GRXCR1: variants seen among roughly 807,000 people sequenced by gnomAD.
GRXCR1 encodes the protein glutaredoxin domain-containing cysteine-rich protein 1.
Under a neutral mutation model 27.3 loss-of-function variants are expected in GRXCR1, and 27 were observed. The ratio of observed to expected loss-of-function variants is 0.99; its 90% CI spans 0.73 to 1.37. GRXCR1 has a LOEUF of 1.37. GRXCR1 is among the 40% of genes most tolerant of loss of function. GRXCR1 has a pLI of 0.00. For synonymous variants in GRXCR1, 122 were observed against 131.1 expected (o/e 0.93, Z 0.47); for missense variants, 379 against 354.4 (o/e 1.07, Z -0.56).
chr4:43,016,441 T>G (rs931377884), intron 2 of GRXCR1, among the ~76,000 whole-genome samples: 1 of 152,200 alleles, frequency 6.6e-6, no homozygotes, highest in Middle Eastern at 3.2e-3. Context: ...CCTTCTCCTT[T>G]AACGAAAAAT....
At chr4:43,015,141 C>T (rs1315691881) in intron 2 of GRXCR1, among the ~76,000 whole-genome samples, 1 of 151,926 alleles carries the variant, frequency 6.6e-6, no homozygotes, top group Non-Finnish European at 1.5e-5. Context: ...CTAGGATGTC[C>T]AGGAGAAGGA....
chr4:43,023,367 G>A (rs1234009299), intron 3 of GRXCR1, among the ~76,000 whole-genome samples: 1 of 152,202 alleles, frequency 6.6e-6, no homozygotes, highest in African/African-American at 2.4e-5. Context: ...AGCAGCTGTG[G>A]TTGGGCCATC....
intron 1 of GRXCR1, among the ~76,000 whole-genome samples, chr4:42,926,494 G>GT (rs201952988): frequency 1.7e-4 from 26 of 150,520 alleles, no homozygotes; most frequent in South Asian, 8.4e-4. Context: ...TGGGAATACT[G>GT]TTTTTTTTTT....
At chr4:43,028,030 A>C (rs1189033893) in intron 3 of GRXCR1, among the ~76,000 whole-genome samples, 1 of 151,848 alleles carries the variant, frequency 6.6e-6, no homozygotes, top group East Asian at 1.9e-4. Flanking sequence ...AATCACTTGA[A>C]CCTGGGAGGA....
At position 42,973,960 on chromosome 4, in the gene GRXCR1, CACAA is replaced by C. The variant is rs1343077789; in HGVS notation, c.627+10832_627+10835del. Among the ~76,000 whole-genome samples the C allele has an allele frequency of 2.0e-5, 3 of 152,068 alleles. No individual in the cohort carries two copies. In the South Asian group the frequency reaches 6.2e-4, roughly 31 times the overall value. ...TTCTAGGGGTGTGCATACAACAAAG[CACAA>C]ACAAATTGGTGGCTATCTGCACAAC... On this transcript the variant is annotated intron_variant, in intron 2 of 3. Coordinates refer to ENST00000399770, the MANE Select transcript of GRXCR1 (RefSeq NM_001080476.3).
chr4:42,902,213 C>T (rs1746476573), intron 1 of GRXCR1, among the ~76,000 whole-genome samples: 1 of 152,088 alleles, frequency 6.6e-6, no homozygotes, highest in African/African-American at 2.4e-5. Context: ...GAAGATTAAG[C>T]ACCCCTAATG....
chr4:42,996,070 C>G (rs569762459), intron 2 of GRXCR1, among the ~76,000 whole-genome samples: 26 of 152,188 alleles, frequency 1.7e-4, no homozygotes, highest in Non-Finnish European at 2.9e-4. Flanking sequence ...TTTTTTCAGA[C>G]TAGTGTTACT....
chr4:42,949,354 C>CAAAAAAAAAAAAAAAAAAAAAAAAAAAA (rs10622265), intron 1 of GRXCR1, among the ~76,000 whole-genome samples: 1 of 81,122 alleles, frequency 1.2e-5, no homozygotes, highest in South Asian at 5.8e-4. Flanking sequence ...GACTCCATCT[C>CAAAAAAAAAAAAAAAAAAAAAAAAAAAA]AAAAAAAAAA....
At position 42,893,491 on chromosome 4, in the gene GRXCR1, T is replaced by A; in HGVS notation, c.225T>A (p.Asn75Lys). Residue 75 changes from asparagine to lysine, a missense_variant, in exon 1 of 4, where the codon AAT (asparagine) becomes AAA (lysine). Coordinates refer to ENST00000399770, the MANE Select transcript of GRXCR1 (RefSeq NM_001080476.3). ...HIESEGDENENDQDSLLVLAR... is the reference protein window; with the variant it reads ...HIESEGDENEKDQDSLLVLAR... ...AGTCAGAAGGTGATGAGAATGAGAA[T>A]GACCAGGATAGCTTGCTGGTGTTAG... 1 of 1,613,832 alleles carries A rather than the reference T, an allele frequency of 6.2e-7. No homozygotes were observed. The highest frequency in any genetic ancestry group is 1.1e-5 in the South Asian group (1 of 91,078).
chr4:42,914,300 G>A (rs935409987), intron 1 of GRXCR1, among the ~76,000 whole-genome samples: 2 of 152,230 alleles, frequency 1.3e-5, no homozygotes, highest in Non-Finnish European at 2.9e-5. Flanking sequence ...AGCCACAGGG[G>A]TGGAGCTGCC....
At chr4:43,030,236 G>A (rs1713378872) in intron 3 of GRXCR1, 125 bp from the exon 4 acceptor site, 1 of 810,642 alleles carries the variant, frequency 1.2e-6, no homozygotes, top group African/African-American at 1.7e-5. Context: ...GAATTCAAGT[G>A]TATAGCCATA....
chr4:42,962,474 T>C (rs1489328603), intron 1 of GRXCR1, among the ~76,000 whole-genome samples: 1 of 151,950 alleles, frequency 6.6e-6, no homozygotes, highest in Non-Finnish European at 1.5e-5. Flanking sequence ...AATTGATAAG[T>C]AGAAGAATTT....
chr4:43,003,770 T>A (rs956444263), intron 2 of GRXCR1, among the ~76,000 whole-genome samples: 1 of 152,170 alleles, frequency 6.6e-6, no homozygotes, highest in Non-Finnish European at 1.5e-5. Context: ...CAGCATACAA[T>A]CACATGCATT....
chr4:42,956,249 G>A (rs551321591), intron 1 of GRXCR1, among the ~76,000 whole-genome samples: 1 of 152,088 alleles, frequency 6.6e-6, no homozygotes, highest in Non-Finnish European at 1.5e-5. Flanking sequence ...CATCTAGGTC[G>A]GCTCTCTCAG....
At chr4:42,928,680 G>A (rs1286855653) in intron 1 of GRXCR1, among the ~76,000 whole-genome samples, 1 of 152,006 alleles carries the variant, frequency 6.6e-6, no homozygotes, top group Non-Finnish European at 1.5e-5. Flanking sequence ...GAAGATAGGA[G>A]CAAGGGGAGA....
At chr4:42,987,260 TAATATATATATATATATAGAGAG>T (rs1711794734) in intron 2 of GRXCR1, among the ~76,000 whole-genome samples, 7 of 73,276 alleles carry the variant, frequency 9.6e-5, no homozygotes, top group South Asian at 7.4e-4. Context: ...TATATATATA[TAATATATATATATATATAGAGAG>T]AGAGAGAGAG....
chr4:43,002,727 C>T (rs747870377), intron 2 of GRXCR1, among the ~76,000 whole-genome samples: 3 of 151,506 alleles, frequency 2.0e-5, no homozygotes, highest in Non-Finnish European at 2.9e-5. Flanking sequence ...TTTCCTTCTT[C>T]CTGTACCCTT....
At chr4:42,919,104 A>G (rs1377103141) in intron 1 of GRXCR1, among the ~76,000 whole-genome samples, 1 of 152,182 alleles carries the variant, frequency 6.6e-6, no homozygotes, top group African/African-American at 2.4e-5. Flanking sequence ...TAAAATCAAG[A>G]TATTTTATAC....
chr4:42,904,121 T>C (rs984154242), intron 1 of GRXCR1, among the ~76,000 whole-genome samples: 1 of 152,180 alleles, frequency 6.6e-6, no homozygotes, highest in Non-Finnish European at 1.5e-5. Context: ...GCAAGATATA[T>C]GGGTTCACAA....
Sources: gnomAD v4.1 joint callset for allele counts (sites outside exome capture counted in the v4.1 genomes callset) on GRCh38, gnomAD v4.1.1 for gene constraint, MANE v1.5 for transcripts, NCBI Gene and HGNC (gene_info 2026-07-23, HGNC 2026-07-21) for gene names.